Variants in AGBL4 observed in about 807,000 individuals in gnomAD.
AGBL4 encodes the protein AGBL carboxypeptidase 4.
Under a neutral mutation model 66.4 loss-of-function variants are expected in AGBL4, and 58 were observed. The ratio of observed to expected loss-of-function variants is 0.87; its 90% confidence interval spans 0.71 to 1.09. AGBL4 has a LOEUF of 1.09. Ranked by LOEUF, AGBL4 falls within the 50% of genes least tolerant of loss-of-function variation. AGBL4 has a pLI of 0.00. For synonymous variants in AGBL4, 234 were observed against 222.9 expected (o/e 1.05, Z -0.44); for missense variants, 579 against 631.0 (o/e 0.92, Z 0.88).
At chr1:48,727,984 G>C (rs764665505) in intron 6 of AGBL4, 1 of 1,611,998 alleles carries the variant, frequency 6.2e-7, no homozygotes, top group South Asian at 1.1e-5. Context: ...ACTTTGGAGA[G>C]TCTCTGTGCA....
At position 48,768,286 on chromosome 1, in the gene AGBL4, T is replaced by C. The variant is rs374209096; in HGVS notation, c.634+98905A>G. 4.6e-5 allele frequency among the ~76,000 whole-genome samples: 7 copies of C among 152,282 alleles called. No individual in the cohort carries two copies. The East Asian group carries it at 5.8e-4, about 13-fold the overall frequency. ...AATTCCCAAGTTGAAGTAAACACTA[T>C]ATAAATATGACCTGTTGCCAAACTC... On this transcript the variant is annotated intron_variant, in intron 6 of 13. Coordinates refer to ENST00000371839, the MANE Select transcript of AGBL4 (RefSeq NM_032785.4).
intron 3 of AGBL4, among the ~76,000 whole-genome samples, chr1:49,261,180 T>C (rs930037423): frequency 8.6e-5 from 13 of 151,608 alleles, no homozygotes; most frequent in Admixed American, 4.6e-4. Flanking sequence ...GAGCTATCTA[T>C]GACAAACCCA....
At position 49,057,759 on chromosome 1, in the gene AGBL4, T is replaced by C. The variant is rs1004338435; in HGVS notation, c.378-11959A>G. On this transcript the variant is annotated intron_variant, in intron 4 of 13. Coordinates refer to ENST00000371839, the MANE Select transcript of AGBL4 (RefSeq NM_032785.4). The stretch of plus-strand genomic sequence containing the variant: ...GTGGTGCTTGTTTGTTTATAGTTTA[T>C]ATTTCCAACTAGGTTGTAATTTGTA... 5.3e-5 allele frequency among the ~76,000 whole-genome samples: 8 copies of C among 152,196 alleles called. 1 individual carries two copies. Among genetic ancestry groups the C allele is most frequent in the South Asian group, 4.1e-4 (2 of 4,834 alleles).
intron 3 of AGBL4, among the ~76,000 whole-genome samples, chr1:49,363,031 G>GTCTC (rs1644173844): frequency 1.3e-5 from 2 of 152,114 alleles, no homozygotes; most frequent in Non-Finnish European, 2.9e-5. Flanking sequence ...AACAGTCAAG[G>GTCTC]TCTCCTGGAT....
intron 1 of AGBL4, chr1:49,996,329 G>A (rs1008611610): frequency 3.3e-5 from 5 of 152,074 alleles, no homozygotes; most frequent in African/African-American, 1.2e-4. Context: ...AAAGAATATG[G>A]ATGGAAAAAT....
chr1:49,174,664 T>A (rs970789965), intron 4 of AGBL4: 3 of 152,118 alleles, frequency 2.0e-5, no homozygotes, highest in Non-Finnish European at 4.4e-5. Flanking sequence ...GGGAAGGAAG[T>A]AGGCCTGCAG....
chr1:49,157,543 C>T (rs541641006), intron 4 of AGBL4, among the ~76,000 whole-genome samples: 5 of 152,064 alleles, frequency 3.3e-5, no homozygotes, highest in African/African-American at 7.2e-5. Flanking sequence ...AATAAACATA[C>T]GAGTGCATGT....
At chr1:49,367,701 C>T (rs1049543331) in intron 3 of AGBL4, among the ~76,000 whole-genome samples, 15 of 152,168 alleles carry the variant, frequency 9.9e-5, no homozygotes, top group African/African-American at 2.4e-4. Context: ...TGGGTTCTTA[C>T]GACGGAGGAA....
At chr1:48,894,034 T>TGGCCACCAGA (rs1651264285) in intron 5 of AGBL4, among the ~76,000 whole-genome samples, 1 of 152,210 alleles carries the variant, frequency 6.6e-6, no homozygotes, top group Non-Finnish European at 1.5e-5. Flanking sequence ...TCGCAAATGT[T>TGGCCACCAGA]GGCCAACATC....
At chr1:49,822,249 A>G (rs943522874) in intron 2 of AGBL4, among the ~76,000 whole-genome samples, 1 of 152,080 alleles carries the variant, frequency 6.6e-6, no homozygotes, top group Non-Finnish European at 1.5e-5. Context: ...CCGGGTCAAC[A>G]ACAAAACTTT....
chr1:48,638,661 C>T (rs997414734), intron 8 of AGBL4, among the ~76,000 whole-genome samples: 2 of 152,210 alleles, frequency 1.3e-5, no homozygotes, highest in African/African-American at 2.4e-5. Flanking sequence ...GTTGCTCCCC[C>T]AGCAAAGTGG....
intron 2 of AGBL4, among the ~76,000 whole-genome samples, chr1:49,742,011 C>T (rs1358416896): frequency 2.6e-5 from 4 of 152,178 alleles, no homozygotes; most frequent in Non-Finnish European, 5.9e-5. Context: ...TGCCCTCTCT[C>T]GCCACTCCTG....
chr1:49,824,648 T>A (rs866309808), intron 2 of AGBL4, among the ~76,000 whole-genome samples: 1 of 152,136 alleles, frequency 6.6e-6, no homozygotes, highest in African/African-American at 2.4e-5. Context: ...TAAATGCAAA[T>A]AAGCCAGAGA....
chr1:49,188,047 A>C (rs1647046538), intron 4 of AGBL4, among the ~76,000 whole-genome samples: 1 of 152,078 alleles, frequency 6.6e-6, no homozygotes, highest in African/African-American at 2.4e-5. Flanking sequence ...CATCCACGTA[A>C]GATGTGACTT....
At chr1:49,558,445 C>T (rs1237143759) in intron 3 of AGBL4, among the ~76,000 whole-genome samples, 2 of 152,050 alleles carry the variant, frequency 1.3e-5, no homozygotes, top group Admixed American at 1.3e-4. Context: ...TGGGTTCAAG[C>T]GATTCTCCTG....
intron 6 of AGBL4, among the ~76,000 whole-genome samples, chr1:48,714,211 A>C (rs1647012069): frequency 6.6e-6 from 1 of 152,144 alleles, no homozygotes; most frequent in Non-Finnish European, 1.5e-5. Flanking sequence ...TGGGGGCCCC[A>C]AAACATGAGA....
chr1:48,957,560 C>A (rs1201799269), intron 5 of AGBL4, among the ~76,000 whole-genome samples: 3 of 152,158 alleles, frequency 2.0e-5, no homozygotes, highest in Non-Finnish European at 4.4e-5. Flanking sequence ...ATTTGTACTC[C>A]TCTCACCAAC....
At chr1:48,920,312 C>G (rs1309312121) in intron 5 of AGBL4, among the ~76,000 whole-genome samples, 1 of 152,174 alleles carries the variant, frequency 6.6e-6, no homozygotes, top group African/African-American at 2.4e-5. Context: ...TAAATTCCCT[C>G]CTAGCTCCCA....
At chr1:49,587,434 G>A (rs1187239328) in intron 3 of AGBL4, among the ~76,000 whole-genome samples, 3 of 152,070 alleles carry the variant, frequency 2.0e-5, no homozygotes, top group South Asian at 2.1e-4. Context: ...TTGAGATATG[G>A]TGACTCATCT....
Sources: allele counts gnomAD v4.1 joint callset (sites outside exome capture counted in the v4.1 genomes callset), GRCh38; gene constraint gnomAD v4.1.1; transcripts MANE v1.5; gene names NCBI Gene and HGNC (gene_info 2026-07-23, HGNC 2026-07-21).